Variants in CAMK4 observed in about 807,000 individuals in gnomAD.
The protein encoded by CAMK4 is calcium/calmodulin-dependent protein kinase type IV.
In CAMK4, 22 loss-of-function variants were observed where a neutral mutation model predicts 44.9. The observed-to-expected ratio is 0.49, with a 90% CI of 0.35 to 0.70. The LOEUF (loss-of-function observed/expected upper bound fraction) is 0.70, where lower values mean the gene tolerates loss of function less well. CAMK4 is among the 30% of genes least tolerant of loss of function. CAMK4 has a pLI of 0.01. For synonymous variants in CAMK4, 218 were observed against 215.4 expected (o/e 1.01, Z -0.11); for missense variants, 498 against 586.8 (o/e 0.85, Z 1.56).
intron 1 of CAMK4, among the ~76,000 whole-genome samples, chr5:111,339,785 A>T (rs1359047185): frequency 6.6e-6 from 1 of 151,228 alleles, no homozygotes; most frequent in African/African-American, 2.4e-5. Context: ...TTTGATAGGG[A>T]TTATATTGAA....
At chr5:111,304,046 G>C (rs1453289687) in intron 1 of CAMK4, among the ~76,000 whole-genome samples, 1 of 27,234 alleles carries the variant, frequency 3.7e-5, no homozygotes, top group Non-Finnish European at 6.4e-5. Context: ...AGCAAATGCT[G>C]AGAGATTTTG....
At chr5:111,470,262 T>TA (rs1275815109) in intron 7 of CAMK4, among the ~76,000 whole-genome samples, 1 of 152,238 alleles carries the variant, frequency 6.6e-6, no homozygotes, top group Non-Finnish European at 1.5e-5. Context: ...TGAATGATGG[T>TA]AGTTCGTATC....
At chr5:111,262,239 A>T (rs566699439) in intron 1 of CAMK4, among the ~76,000 whole-genome samples, 1 of 151,954 alleles carries the variant, frequency 6.6e-6, no homozygotes, top group Non-Finnish European at 1.5e-5. Context: ...ATTGAACTCA[A>T]CTCCACTAAA....
intron 1 of CAMK4, among the ~76,000 whole-genome samples, chr5:111,318,175 T>C (rs2112687458): frequency 6.6e-6 from 1 of 152,254 alleles, no homozygotes; most frequent in African/African-American, 2.4e-5. Context: ...GTGTTATCTA[T>C]CTATGACACA....
Position 111,493,723 on chromosome 5 carries a change from T to G in CAMK4, c.*9257T>G, listed in dbSNP as rs1335098343. ...GTTTTGTAAGTTCCTTTTGATATCA[T>G]TTATTGCAGGCAGTATTTTTACATC... On this transcript the variant is annotated 3_prime_UTR_variant, in exon 11 of 11. Coordinates refer to ENST00000282356, the MANE Select transcript of CAMK4 (RefSeq NM_001744.6). The surrounding 1 kb of genome is among the most constrained non-coding windows in gnomAD (Gnocchi z 4.1). 2.0e-5 allele frequency: 3 copies of G among 152,200 alleles called. No individual in the cohort carries two copies. Among genetic ancestry groups the G allele is most frequent in the Non-Finnish European group, 4.4e-5 (3 of 68,030 alleles). The allele number at this position is 152,200 out of a possible 1,614,324, so 9.4% of individuals were successfully genotyped here. A position where few individuals can be genotyped will look rare whatever the true frequency, so the allele number is the denominator to read the frequency against.
rs756106938 is a variant in CAMK4 at position 111,478,549 on chromosome 5, T to G, written c.828+42T>G. 4.9e-6 allele frequency: 6 copies of G among 1,213,608 alleles called. No individual in the cohort carries two copies. In the East Asian group the frequency reaches 1.6e-4, roughly 32 times the overall value. 75.2% of individuals were successfully genotyped at this position (1,213,608 alleles called of 1,614,324 possible). On this transcript the variant is annotated intron_variant, in intron 9 of 10. Transcript: ENST00000282356. ...CAAAATGAAACAAAATGAAATAAAT[T>G]TATTTTTAACTAATTAATGGGAAGT...
chr5:111,348,030 G>T (rs1749938734), intron 2 of CAMK4, among the ~76,000 whole-genome samples: 2 of 151,900 alleles, frequency 1.3e-5, no homozygotes, highest in South Asian at 4.2e-4. Flanking sequence ...GACTGTCTCA[G>T]ACTTAAAGTG....
intron 5 of CAMK4, among the ~76,000 whole-genome samples, chr5:111,402,779 A>G (rs182462524): frequency 1.2e-4 from 18 of 152,316 alleles, no homozygotes; most frequent in Non-Finnish European, 1.6e-4. Context: ...TCTCCTTTTC[A>G]CTGGCCTGGT....
At chr5:111,309,887 A>G (rs1748125060) in intron 1 of CAMK4, among the ~76,000 whole-genome samples, 1 of 152,284 alleles carries the variant, frequency 6.6e-6, no homozygotes, top group African/African-American at 2.4e-5. Context: ...GATATTGATA[A>G]GGGACATAGG....
chr5:111,415,324 A>G (rs909677205), intron 5 of CAMK4, among the ~76,000 whole-genome samples: 9 of 152,212 alleles, frequency 5.9e-5, no homozygotes, highest in African/African-American at 2.2e-4. Flanking sequence ...CATCTTGATT[A>G]TCAGATCAAC....
intron 1 of CAMK4, among the ~76,000 whole-genome samples, chr5:111,320,721 G>A (rs189052487): frequency 2.6e-5 from 4 of 152,188 alleles, no homozygotes; most frequent in African/African-American, 9.6e-5. Context: ...GGTCAGGCTG[G>A]TCTCGAACTC....
At chr5:111,357,952 G>A (rs558533549) in intron 2 of CAMK4, 2 of 152,086 alleles carry the variant, frequency 1.3e-5, no homozygotes, top group East Asian at 3.9e-4. Context: ...CCAAATCTGG[G>A]CATTTTTTAT....
intron 2 of CAMK4, among the ~76,000 whole-genome samples, chr5:111,364,113 A>G (rs1750700441): frequency 6.6e-6 from 1 of 152,066 alleles, no homozygotes; most frequent in Non-Finnish European, 1.5e-5. Context: ...AGGCAACAAT[A>G]GAGAGGTTTT....
chr5:111,400,891 A>G (rs189145375), intron 5 of CAMK4, among the ~76,000 whole-genome samples: 7 of 151,676 alleles, frequency 4.6e-5, no homozygotes, highest in South Asian at 4.2e-4. Context: ...ATTAGGGAAT[A>G]TTCCCTCTCC....
intron 4 of CAMK4, among the ~76,000 whole-genome samples, chr5:111,391,104 G>A (rs571492000): frequency 6.6e-6 from 1 of 152,274 alleles, no homozygotes; most frequent in South Asian, 2.1e-4. Flanking sequence ...TCAAGGCCTT[G>A]TGAACTCCTG....
At chr5:111,224,184 G>A, upstream of CAMK4, 1 of 258,094 alleles carries the variant, frequency 3.9e-6, no homozygotes, top group Non-Finnish European at 7.2e-6. This position sits in a 1 kb window ranked among gnomAD's most constrained non-coding sequence, Gnocchi z 5.7. Context: ...GCTCGGCGCG[G>A]GAGGAGGGCG....
At chr5:111,238,540 A>G (rs1386671919) in intron 1 of CAMK4, among the ~76,000 whole-genome samples, 1 of 143,162 alleles carries the variant, frequency 7.0e-6, no homozygotes, top group Non-Finnish European at 1.5e-5. Context: ...AGAACTGTGA[A>G]AAAAATGTTT....
intron 2 of CAMK4, among the ~76,000 whole-genome samples, chr5:111,344,979 G>GTA (rs1209574228): frequency 5.3e-5 from 8 of 151,864 alleles, no homozygotes; most frequent in South Asian, 2.1e-4. Context: ...TATGTGAAAT[G>GTA]TATGTATATA....
chr5:111,339,112 A>G (rs1049364760), intron 1 of CAMK4, among the ~76,000 whole-genome samples: 13 of 151,272 alleles, frequency 8.6e-5, no homozygotes, highest in African/African-American at 2.7e-4. Context: ...AGTTCCTTAT[A>G]TATTTTGCAT....
Sources: allele counts gnomAD v4.1 joint callset (sites outside exome capture counted in the v4.1 genomes callset), GRCh38; gene constraint gnomAD v4.1.1; non-coding constraint Gnocchi (gnomAD v3.1); transcripts MANE v1.5; gene names NCBI Gene and HGNC (gene_info 2026-07-23, HGNC 2026-07-21).